The following LPAR1 variants were observed in gnomAD, a reference collection of about 807,000 sequenced individuals.
LPAR1 encodes the protein lysophosphatidic acid receptor 1, also known as LPA receptor 1.
Under a neutral mutation model 23.8 loss-of-function variants are expected in LPAR1, and 5 were observed. The observed-to-expected ratio is 0.21, with a 90% CI of 0.11 to 0.44. The LOEUF is 0.44. LPAR1 is among the 20% of genes least tolerant of loss of function. The pLI is 0.99. For missense variants in LPAR1, 311 were observed against 482.8 expected (o/e 0.64, Z 3.33); for synonymous variants, 160 against 164.7 (o/e 0.97, Z 0.22).
intron 4 of LPAR1, among the ~76,000 whole-genome samples, chr9:110,946,476 CAGAG>C (rs1255241240): frequency 6.6e-6 from 1 of 151,882 alleles, no homozygotes; most frequent in Non-Finnish European, 1.5e-5. Context: ...TATCTAAAGA[CAGAG>C]AGAATCAGAA....
At chr9:111,012,416 G>A (rs759281) in intron 2 of LPAR1, among the ~76,000 whole-genome samples, 37,805 of 151,712 alleles carry the variant, frequency 0.25, 5,693 homozygotes, top group Non-Finnish European at 0.33. Flanking sequence ...TATGCTTGCC[G>A]AATTGTTATT....
chr9:110,942,069 T>C lies in LPAR1; in HGVS notation c.145A>G (p.Ser49Gly). Residue 49 changes from serine (S) to glycine (G), a missense_variant, in exon 5 of 6, where the codon AGC (serine) becomes GGC (glycine). Ser to Gly is a moderately conservative substitution (Grantham distance 56). Transcript: ENST00000683809. ...KHLATEWNTV[S>G]KLVMGLGITV... ...ATTCCAAGTCCCATCACCAGCTTGC[T>C]GACTGTGTTCCATTCTGTGGCAAGA... The C allele has an allele frequency of 6.2e-7, 1 of 1,614,192 alleles. No homozygotes were observed. Among genetic ancestry groups the C allele is most frequent in the Admixed American group, 1.7e-5 (1 of 60,030 alleles).
At chr9:111,026,114 T>G (rs576158768) in intron 2 of LPAR1, among the ~76,000 whole-genome samples, 21 of 152,220 alleles carry the variant, frequency 1.4e-4, no homozygotes, top group Non-Finnish European at 2.9e-4. Flanking sequence ...TAAACTACTT[T>G]GGGCAGTAGG....
In LPAR1 at chr9:111,029,168, C is replaced by T. The variant is rs531086831; in HGVS notation, c.-182+6954G>A. Among the ~76,000 whole-genome samples the T allele has an allele frequency of 2.5e-4, 38 of 152,308 alleles. No individual in the cohort carries two copies. The South Asian group carries it at 7.5e-3, about 30-fold the overall frequency. On this transcript the variant is annotated intron_variant, in intron 2 of 5. Coordinates refer to ENST00000683809, the MANE Select transcript of LPAR1 (RefSeq NM_001351411.2). ...TTTTCACTCTAAAAGTGCTCTCCAG[C>T]TTATCACACACATTTTACTGGCATT...
intron 2 of LPAR1, among the ~76,000 whole-genome samples, chr9:111,030,421 A>G (rs186721329): frequency 6.6e-6 from 1 of 152,304 alleles, no homozygotes; most frequent in East Asian, 1.9e-4. Context: ...CACCATCCTT[A>G]TCATCTGCTG....
chr9:110,924,613 C>T (rs982542979), intron 5 of LPAR1, among the ~76,000 whole-genome samples: 2 of 151,592 alleles, frequency 1.3e-5, no homozygotes, highest in Non-Finnish European at 2.9e-5. Flanking sequence ...AGGAGGATCA[C>T]TAAAGCCCAC....
intron 5 of LPAR1, among the ~76,000 whole-genome samples, chr9:110,885,355 C>T (rs1034918336): frequency 6.6e-6 from 1 of 152,156 alleles, no homozygotes; most frequent in African/African-American, 2.4e-5. Flanking sequence ...AAAGAACTGC[C>T]ACCAAAGTCA....
chr9:110,908,001 A>T, intron 5 of LPAR1, among the ~76,000 whole-genome samples: 1 of 151,876 alleles, frequency 6.6e-6, no homozygotes, highest in East Asian at 1.9e-4. Flanking sequence ...TTCATAAGAA[A>T]ATTACACTAC....
intron 4 of LPAR1, among the ~76,000 whole-genome samples, chr9:110,951,083 A>G (rs1023271255): frequency 2.0e-5 from 3 of 152,204 alleles, no homozygotes; most frequent in Non-Finnish European, 4.4e-5. Context: ...TATGAGAGAT[A>G]TGATTTTACC....
chr9:110,935,575 GCT>G (rs900036043), intron 5 of LPAR1, among the ~76,000 whole-genome samples: 2 of 152,200 alleles, frequency 1.3e-5, no homozygotes, highest in African/African-American at 4.8e-5. Context: ...GATCACTTGA[GCT>G]CACGAGTTCA....
intron 2 of LPAR1, among the ~76,000 whole-genome samples, chr9:111,029,805 C>T (rs1486338988): frequency 2.0e-5 from 3 of 151,900 alleles, no homozygotes; most frequent in Non-Finnish European, 4.4e-5. Context: ...AAACCCAGCA[C>T]TTTGAGAGGC....
At chr9:110,949,735 A>C (rs1479987694) in intron 4 of LPAR1, among the ~76,000 whole-genome samples, 1 of 152,244 alleles carries the variant, frequency 6.6e-6, no homozygotes, top group East Asian at 1.9e-4. Context: ...AGAGTTTCTA[A>C]ATAAAATGCA....
At chr9:110,978,691 C>A (rs2096609001) in intron 2 of LPAR1, among the ~76,000 whole-genome samples, 1 of 152,078 alleles carries the variant, frequency 6.6e-6, no homozygotes, top group African/African-American at 2.4e-5. Flanking sequence ...CCTATCAGAG[C>A]TAAATAGCAT....
intron 2 of LPAR1, among the ~76,000 whole-genome samples, chr9:110,988,843 T>C (rs1410129731): frequency 6.6e-6 from 1 of 152,148 alleles, no homozygotes; most frequent in African/African-American, 2.4e-5. Flanking sequence ...AGAATATTCA[T>C]AGAAGCATTA....
chr9:111,017,788 G>A (rs1243557384), intron 2 of LPAR1, among the ~76,000 whole-genome samples: 3 of 152,144 alleles, frequency 2.0e-5, no homozygotes, highest in South Asian at 2.1e-4. Flanking sequence ...TTGGGAGGCC[G>A]AGGCAGGCGG....
intron 2 of LPAR1, among the ~76,000 whole-genome samples, chr9:111,014,214 C>T (rs767780570): frequency 7.9e-5 from 12 of 152,170 alleles, no homozygotes; most frequent in Non-Finnish European, 1.5e-4. Flanking sequence ...GTTCTGCTCC[C>T]ATTCACAACC....
At chr9:110,956,220 C>T (rs903283096) in intron 4 of LPAR1, among the ~76,000 whole-genome samples, 1 of 132,524 alleles carries the variant, frequency 7.5e-6, no homozygotes, top group African/African-American at 2.9e-5. Flanking sequence ...GGGAACACCA[C>T]ACATGGGGGC....
chr9:110,971,794 T>C (rs1004792981), intron 4 of LPAR1, among the ~76,000 whole-genome samples: 11 of 150,686 alleles, frequency 7.3e-5, no homozygotes, highest in Admixed American at 6.0e-4. Context: ...TTACTTTGAT[T>C]TAGAGTTTGA....
intron 2 of LPAR1, among the ~76,000 whole-genome samples, chr9:110,996,632 T>C (rs2097014608): frequency 6.6e-6 from 1 of 152,092 alleles, no homozygotes; most frequent in Admixed American, 6.6e-5. Flanking sequence ...TTAAGCCAAG[T>C]CATAGCGATA....
Sources: gnomAD v4.1 joint callset for allele counts (sites outside exome capture counted in the v4.1 genomes callset) on GRCh38, gnomAD v4.1.1 for gene constraint, MANE v1.5 for transcripts, NCBI Gene and HGNC (gene_info 2026-07-23, HGNC 2026-07-21) for gene names.